FLOT2: variants seen among roughly 807,000 people sequenced by gnomAD.
FLOT2 encodes the protein flotillin 2.
Under a neutral mutation model 54.9 loss-of-function variants are expected in FLOT2, and 35 were observed. The observed-to-expected ratio is 0.64, with a 90% CI of 0.49 to 0.84. FLOT2 has a LOEUF of 0.84. Ranked by LOEUF, FLOT2 falls within the 40% of genes least tolerant of loss-of-function variation. The pLI is 0.00. For synonymous variants in FLOT2, 207 were observed against 228.9 expected, an observed-to-expected ratio of 0.90 and a Z score of 0.86; for missense variants, 464 against 572.1, an observed-to-expected ratio of 0.81 and a Z score of 1.93.
chr17:28,880,769 G>A lies in FLOT2; in HGVS notation c.1192C>T (p.Leu398=), dbSNP rs369098535. ...NSKVTSEVNR[L]LAELPASVHA... ...ACAGAGGCAGGCAGCTCGGCCAGCA[G>A]TCGGTTCACTTCTGATGTGACCTTA... The change falls in exon 10 of 11, where the codon CTG becomes TTG. Residue 398 remains leucine (L), a synonymous_variant. Coordinates refer to ENST00000394908, the MANE Select transcript of FLOT2 (RefSeq NM_004475.3). 1.2e-6 allele frequency: 2 copies of A among 1,614,138 alleles called. No individual in the cohort carries two copies. The highest frequency in any genetic ancestry group is 2.2e-5 in the South Asian group (2 of 91,096).
chr17:28,894,795 T>TA (rs746735489), intron 1 of FLOT2, among the ~76,000 whole-genome samples: 301 of 132,404 alleles, frequency 2.3e-3, no homozygotes, highest in Admixed American at 6.6e-3. Flanking sequence ...AGACTGTATT[T>TA]AAAAAAAAAA....
chr17:28,886,888 G>C (rs2039555898), intron 2 of FLOT2, among the ~76,000 whole-genome samples: 1 of 152,192 alleles, frequency 6.6e-6, no homozygotes. Flanking sequence ...TGGCCATGCA[G>C]ATGTGCAAAA....
chr17:28,880,194 G>C lies in FLOT2; in HGVS notation c.*367C>G. 1.8e-6 allele frequency: 2 copies of C among 1,127,538 alleles called. No homozygotes were observed. Among genetic ancestry groups the C allele is most frequent in the Non-Finnish European group, 2.2e-6 (2 of 915,008 alleles). 69.8% of individuals were successfully genotyped at this position (1,127,538 alleles called of 1,614,324 possible). A position where few individuals can be genotyped will look rare whatever the true frequency, so the allele number is the denominator to read the frequency against. On this transcript the variant is annotated 3_prime_UTR_variant, in exon 11 of 11. Transcript: ENST00000394908. Reference sequence around the variant, plus strand: ...TGGACAGATGCACAGAGAACTTCAAGGCACCAGGATTCTGAGGAGCAGCAG... The same window carrying C: ...TGGACAGATGCACAGAGAACTTCAACGCACCAGGATTCTGAGGAGCAGCAG...
Position 28,883,341 on chromosome 17 carries a change from G to T in FLOT2, c.223-110C>A. ...TGTGCCTCCTCCCTTCCTTTTTTCA[G>T]ACCTGGAGGCCCTGGGGGGCTGGAA... is the stretch of plus-strand genomic sequence containing the variant. On this transcript the variant is annotated intron_variant, in intron 3 of 10. Transcript: ENST00000394908. This position sits in a 1 kb window ranked among gnomAD's most constrained non-coding sequence, Gnocchi z 5.0. 1 of 1,368,166 alleles carries T rather than the reference G, an allele frequency of 7.3e-7. No individual in the cohort carries two copies. Among genetic ancestry groups the T allele is most frequent in the Non-Finnish European group, 1.0e-6 (1 of 985,216 alleles). The allele number at this position is 1,368,166 out of a possible 1,614,324, so 84.8% of individuals were successfully genotyped here.
rs1303927212 is a variant in FLOT2, at chr17:28,897,626, A to G, written c.-52T>C. The G allele has an allele frequency of 6.8e-7, 1 of 1,473,086 alleles. No homozygotes were observed. The allele number at this position is 1,473,086 out of a possible 1,614,324, so 91.3% of individuals were successfully genotyped here. ...GGACCGCACAGACCCGGACAACAGCAGCGGGTCTGCAGCGCCGGCCGCGCC... is the reference window on the plus strand; with the variant it reads ...GGACCGCACAGACCCGGACAACAGCGGCGGGTCTGCAGCGCCGGCCGCGCC... On this transcript the variant is annotated 5_prime_UTR_variant, in exon 1 of 11. Transcript: ENST00000394908. This position sits in a 1 kb window ranked among gnomAD's most constrained non-coding sequence, Gnocchi z 4.4.
intron 8 of FLOT2, 24 bp downstream of exon 8, chr17:28,881,790 C>G: frequency 1.2e-6 from 2 of 1,608,620 alleles, no homozygotes; most frequent in African/African-American, 1.3e-5. Flanking sequence ...TAAGCCCTGA[C>G]CCCGGCACCT....
intron 2 of FLOT2, chr17:28,885,497 G>A: frequency 2.9e-6 from 2 of 686,372 alleles, no homozygotes; most frequent in Non-Finnish European, 5.5e-6. Context: ...AATGAAGAGG[G>A]GAACCCACAC....
At chr17:28,885,505 C>T (rs2039524246) in intron 2 of FLOT2, 1 of 696,744 alleles carries the variant, frequency 1.4e-6, no homozygotes, top group South Asian at 1.6e-5. Flanking sequence ...GGGGAACCCA[C>T]ACATGACAGA....
In FLOT2 at chr17:28,879,978, G is replaced by A. The variant is rs1163130445; in HGVS notation, c.*583C>T. 2 of 987,568 alleles carry A rather than the reference G, an allele frequency of 2.0e-6. No individual in the cohort carries two copies. Among genetic ancestry groups the A allele is most frequent in the Non-Finnish European group, 1.2e-6 (1 of 831,384 alleles). 61.2% of individuals were successfully genotyped at this position (987,568 alleles called of 1,614,324 possible). ...GCGCTGGCTGGGGCCTTGGGTGGAT[G>A]AGGGGAAGGACAGTGTCTCTGGGCC... On this transcript the variant is annotated 3_prime_UTR_variant, in exon 11 of 11. Transcript: ENST00000394908.
In FLOT2 at chr17:28,882,416, A is replaced by G; in HGVS notation, c.500T>C (p.Leu167Pro). Reference sequence around the variant, plus strand: ...CACCACGGCAGTCTGCGTCTTGCCCAGGGAGCTCAGATAGTCCACTTTGTC... The same window carrying G: ...CACCACGGCAGTCTGCGTCTTGCCCGGGGAGCTCAGATAGTCCACTTTGTC... ...VYDKVDYLSSLGKTQTAVVQR... is the reference protein window; with the variant it reads ...VYDKVDYLSSPGKTQTAVVQR... The change falls in exon 6 of 11, where the codon CTG becomes CCG. Residue 167 changes from leucine (L) to proline (P), a missense_variant. By Grantham distance (98) the Leu-to-Pro change is moderately conservative. Coordinates refer to ENST00000394908, the MANE Select transcript of FLOT2 (RefSeq NM_004475.3). This position sits in a 1 kb window ranked among gnomAD's most constrained non-coding sequence, Gnocchi z 5.6. The G allele has an allele frequency of 9.3e-6, 15 of 1,614,128 alleles. No individual in the cohort carries two copies. The highest frequency in any genetic ancestry group is 1.3e-5 in the Non-Finnish European group (15 of 1,180,036).
chr17:28,894,388 C>A (rs913282919), intron 1 of FLOT2, among the ~76,000 whole-genome samples: 1 of 151,634 alleles, frequency 6.6e-6, no homozygotes, highest in Non-Finnish European at 1.5e-5. Flanking sequence ...CTTTGGGAGG[C>A]CGAGGTGGGC....
chr17:28,889,153 G>A, intron 1 of FLOT2, 127 bp from the exon 2 acceptor site: 1 of 728,496 alleles, frequency 1.4e-6, no homozygotes, highest in East Asian at 2.7e-5. Context: ...TGGGTGCCTA[G>A]TGCTGAGGTT....
rs2039508776 is a variant in FLOT2, at chr17:28,884,446, C to T, written c.132-131G>A. On this transcript the variant is annotated intron_variant, in intron 2 of 10. Coordinates refer to ENST00000394908, the MANE Select transcript of FLOT2 (RefSeq NM_004475.3). The surrounding 1 kb of genome is among the most constrained non-coding windows in gnomAD (Gnocchi z 5.1). ...GGTGGAGGGAGGACTCTCCACGGGG[C>T]TGAGATGGGAGTGTCTGAGAAGGAG... 1.6e-6 allele frequency: 1 copy of T among 616,304 alleles called. No individual in the cohort carries two copies. The highest frequency in any genetic ancestry group is 2.9e-6 in the Non-Finnish European group (1 of 346,634). 38.2% of individuals were successfully genotyped at this position (616,304 alleles called of 1,614,324 possible).
intron 2 of FLOT2, among the ~76,000 whole-genome samples, chr17:28,888,640 C>T (rs1226864982): frequency 6.6e-6 from 1 of 152,168 alleles, no homozygotes; most frequent in Non-Finnish European, 1.5e-5. Flanking sequence ...AATCAAGATT[C>T]TGCCTGGGTT....
At chr17:28,886,171 C>T (rs998562978) in intron 2 of FLOT2, among the ~76,000 whole-genome samples, 1 of 152,212 alleles carries the variant, frequency 6.6e-6, no homozygotes, top group Non-Finnish European at 1.5e-5. Context: ...TCTTCTCTAG[C>T]CCCCAAACCC....
chr17:28,888,457 C>A (rs1389285999), intron 2 of FLOT2, among the ~76,000 whole-genome samples: 1 of 152,198 alleles, frequency 6.6e-6, no homozygotes. Flanking sequence ...GTCACAGAAC[C>A]ACTTTTGACT....
Position 28,884,136 on chromosome 17 carries a change from C to A in FLOT2, c.222+89G>T. ...CTGGGGTGCTGGAGAGAGACTGCCCCTGGCTGCTGTCCTCTCCTCCTCCCC... is the reference window on the plus strand; with the variant it reads ...CTGGGGTGCTGGAGAGAGACTGCCCATGGCTGCTGTCCTCTCCTCCTCCCC... On this transcript the variant is annotated intron_variant, in intron 3 of 10. Transcript: ENST00000394908. This position sits in a 1 kb window ranked among gnomAD's most constrained non-coding sequence, Gnocchi z 5.1. 1.0e-6 allele frequency: 1 copy of A among 979,070 alleles called. No homozygotes were observed. The highest frequency in any genetic ancestry group is 1.3e-5 in the South Asian group (1 of 77,624). 60.6% of individuals were successfully genotyped at this position (979,070 alleles called of 1,614,324 possible). A position where few individuals can be genotyped will look rare whatever the true frequency, so the allele number is the denominator to read the frequency against.
chr17:28,894,448 AC>A (rs1191132705), intron 1 of FLOT2, among the ~76,000 whole-genome samples: 1 of 151,854 alleles, frequency 6.6e-6, no homozygotes, highest in Non-Finnish European at 1.5e-5. Context: ...ACATGGTGAA[AC>A]CCTGTCTCTA....
chr17:28,886,266 G>A (rs1330457367), intron 2 of FLOT2, among the ~76,000 whole-genome samples: 1 of 152,234 alleles, frequency 6.6e-6, no homozygotes, highest in Non-Finnish European at 1.5e-5. Flanking sequence ...TGTGCACAGG[G>A]CACCTGGGTT....
Sources: allele counts gnomAD v4.1 joint callset (sites outside exome capture counted in the v4.1 genomes callset), GRCh38; gene constraint gnomAD v4.1.1; non-coding constraint Gnocchi (gnomAD v3.1); transcripts MANE v1.5; gene names NCBI Gene and HGNC (gene_info 2026-07-23, HGNC 2026-07-21).